Variants in MRC2 observed in about 807,000 individuals in gnomAD.
MRC2 encodes mannose receptor C-type 2.
Under a neutral mutation model 206.2 loss-of-function variants are expected in MRC2, and 84 were observed. That is an observed-to-expected ratio of 0.41 (90% CI 0.34 to 0.49). MRC2 has a LOEUF of 0.49. MRC2 is among the 20% of genes least tolerant of loss of function. The pLI is 0.31. For missense variants in MRC2, 1,676 were observed against 2,001.5 expected (o/e 0.84, Z 3.10); for synonymous variants, 798 against 800.0 (o/e 1.00, Z 0.04).
At chr17:62,669,324 C>T (rs1301299055) in intron 6 of MRC2, among the ~76,000 whole-genome samples, 3 of 152,022 alleles carry the variant, frequency 2.0e-5, no homozygotes, top group Admixed American at 6.6e-5. Context: ...AAGAGATTCT[C>T]GTGCCTCAGC....
chr17:62,644,140 T>G (rs1168768622), intron 1 of MRC2, among the ~76,000 whole-genome samples: 1 of 151,926 alleles, frequency 6.6e-6, no homozygotes, highest in Non-Finnish European at 1.5e-5. Context: ...GTCTGGAGGC[T>G]GGGTGTGGTG....
intron 13 of MRC2, 121 bp from the exon 14 acceptor site, chr17:62,679,679 G>T: frequency 2.5e-6 from 2 of 805,086 alleles, no homozygotes; most frequent in Middle Eastern, 2.4e-4. Context: ...AAGCCCAGAT[G>T]GAGAGGCCCC....
chr17:62,648,507 A>G (rs1029288255), intron 1 of MRC2, among the ~76,000 whole-genome samples: 2 of 152,054 alleles, frequency 1.3e-5, no homozygotes, highest in Non-Finnish European at 2.9e-5. Context: ...CTTGGAGTTT[A>G]TTTCTGCAGA....
intron 1 of MRC2, among the ~76,000 whole-genome samples, chr17:62,631,764 G>A (rs938577343): frequency 4.3e-4 from 65 of 152,230 alleles, no homozygotes; most frequent in African/African-American, 1.5e-3. Context: ...CCTCCAAGAA[G>A]GCATTGATAA....
intron 28 of MRC2, among the ~76,000 whole-genome samples, chr17:62,691,396 G>T (rs1322012893): frequency 6.6e-6 from 1 of 152,236 alleles, no homozygotes; most frequent in Non-Finnish European, 1.5e-5. Flanking sequence ...CAGAGTTCAA[G>T]TCCTGGCCAT....
At chr17:62,637,157 G>A (rs973701582) in intron 1 of MRC2, among the ~76,000 whole-genome samples, 1 of 152,160 alleles carries the variant, frequency 6.6e-6, no homozygotes, top group Non-Finnish European at 1.5e-5. Context: ...GAAGTCAGGA[G>A]TTCAAGACCA....
At chr17:62,686,930 G>A (rs1361707647) in intron 20 of MRC2, among the ~76,000 whole-genome samples, 1 of 152,232 alleles carries the variant, frequency 6.6e-6, no homozygotes, top group Non-Finnish European at 1.5e-5. Context: ...GCATCAGTAA[G>A]GATGGTGCTG....
At chr17:62,689,177 C>T (rs370148002) in intron 23 of MRC2, among the ~76,000 whole-genome samples, 2 of 151,924 alleles carry the variant, frequency 1.3e-5, no homozygotes, top group South Asian at 2.1e-4. Flanking sequence ...CTCGTTGGGT[C>T]GGGGGGAGAG....
At chr17:62,640,017 CTTTTTTTTTTTTTT>C (rs56703312) in intron 1 of MRC2, among the ~76,000 whole-genome samples, 1 of 74,350 alleles carries the variant, frequency 1.3e-5, no homozygotes, top group Admixed American at 1.8e-4. Flanking sequence ...CCATGCCCAG[CTTTTTTTTTTTTTT>C]TTTTTTTTTT....
Position 62,648,636 on chromosome 17 carries a change from C to T in MRC2, c.119-15912C>T, listed in dbSNP as rs547807782. ...TCCTTGCATCTCCCTCCTGGGAGAC[C>T]TGAGGAGGGGTCCAGAGTTCAAAGA... On this transcript the variant is annotated intron_variant, in intron 1 of 29. Coordinates refer to ENST00000303375, the MANE Select transcript of MRC2 (RefSeq NM_006039.5). Among the ~76,000 whole-genome samples, 77 of 152,298 alleles carry T rather than the reference C, an allele frequency of 5.1e-4. No individual in the cohort carries two copies. In the South Asian group the frequency reaches 0.016, roughly 31 times the overall value.
At chr17:62,655,159 G>A (rs377408995) in intron 1 of MRC2, among the ~76,000 whole-genome samples, 6 of 151,616 alleles carry the variant, frequency 4.0e-5, no homozygotes, top group South Asian at 4.2e-4. Flanking sequence ...GGTGGCGGGC[G>A]CCTGTAGTCC....
intron 1 of MRC2, among the ~76,000 whole-genome samples, chr17:62,633,659 C>T (rs980919127): frequency 4.1e-4 from 59 of 145,644 alleles, no homozygotes; most frequent in Non-Finnish European, 2.1e-4. Flanking sequence ...GGCAACATGA[C>T]GAAACCCAGT....
In MRC2 at chr17:62,681,087, G is replaced by A. The variant is rs2088960874; in HGVS notation, c.2660G>A (p.Trp887Ter). ...TTCTCCCGGGCCCAGGAGCAGCACTGGTGGATCGGCCTGCACACCTCTGAG... is the reference window on the plus strand; with the variant it reads ...TTCTCCCGGGCCCAGGAGCAGCACTAGTGGATCGGCCTGCACACCTCTGAG... ...QKFSRAQEQHWWIGLHTSESD... is the reference protein window; with the variant it reads ...QKFSRAQEQH Residue 887 changes from tryptophan (W) to a stop codon, truncating the protein, a stop_gained, in exon 18 of 30, where the codon TGG becomes TAG. Transcript: ENST00000303375. LOFTEE classifies it high-confidence loss of function. 1 of 1,613,602 alleles carries A rather than the reference G, an allele frequency of 6.2e-7. No homozygotes were observed. The highest frequency in any genetic ancestry group is 8.5e-7 in the Non-Finnish European group (1 of 1,180,010).
At position 62,691,745 on chromosome 17, in the gene MRC2, T is replaced by C. The variant is rs888743580; in HGVS notation, c.4193-367T>C. Among the ~76,000 whole-genome samples the C allele has an allele frequency of 3.9e-5, 5 of 126,626 alleles. No individual in the cohort carries two copies. The Admixed American group carries it at 5.3e-4, about 13-fold the overall frequency. The allele number at this position is 126,626 out of a possible 152,430, so 83.1% of individuals were successfully genotyped here. On this transcript the variant is annotated intron_variant, in intron 28 of 29. Coordinates refer to ENST00000303375, the MANE Select transcript of MRC2 (RefSeq NM_006039.5). ...GAGATCGCACCACTGCATTCCAGCCTGGGCAACACAGCAAGACCCTGTCTC... is the reference window on the plus strand; with the variant it reads ...GAGATCGCACCACTGCATTCCAGCCCGGGCAACACAGCAAGACCCTGTCTC...
chr17:62,690,621 G>A (rs768088596), intron 26 of MRC2, 21 bp from the exon 27 acceptor site: 42 of 1,585,214 alleles, frequency 2.6e-5, no homozygotes, highest in East Asian at 2.2e-4. Flanking sequence ...CCGCCCTGAC[G>A]TGGGCCTTCT....
At chr17:62,630,545 G>C (rs1455350100) in intron 1 of MRC2, among the ~76,000 whole-genome samples, 1 of 152,178 alleles carries the variant, frequency 6.6e-6, no homozygotes, top group African/African-American at 2.4e-5. Flanking sequence ...GGCTGGGCCG[G>C]GGAGAAGGTT....
chr17:62,682,767 G>A (rs1195931963), intron 20 of MRC2, among the ~76,000 whole-genome samples: 2 of 151,218 alleles, frequency 1.3e-5, no homozygotes, highest in African/African-American at 2.4e-5. Flanking sequence ...TCAGCCTCCC[G>A]AGTAGCTGGG....
chr17:62,646,863 A>G (rs558376973), intron 1 of MRC2, among the ~76,000 whole-genome samples: 1 of 152,354 alleles, frequency 6.6e-6, no homozygotes, highest in Non-Finnish European at 1.5e-5. Flanking sequence ...AGCAAATACA[A>G]AGAGAAGAAA....
At chr17:62,677,142 A>C in intron 11 of MRC2, 127 bp from the exon 12 acceptor site, 1 of 710,598 alleles carries the variant, frequency 1.4e-6, no homozygotes, top group Non-Finnish European at 2.3e-6. Context: ...CCCAGAGAGC[A>C]TGTCTCTGAA....
Sources: allele counts gnomAD v4.1 joint callset (sites outside exome capture counted in the v4.1 genomes callset), GRCh38; gene constraint gnomAD v4.1.1; transcripts MANE v1.5; gene names NCBI Gene and HGNC (gene_info 2026-07-23, HGNC 2026-07-21).